The following ANO10 variants were observed in gnomAD, a reference collection of about 807,000 sequenced individuals.
The protein encoded by ANO10 is anoctamin 10.
A neutral mutation model predicts 74.7 loss-of-function variants in ANO10; 77 were observed. The observed-to-expected ratio is 1.03, with a 90% confidence interval of 0.86 to 1.25. The LOEUF is 1.25. Among genes scored for constraint, ANO10 ranks in the 50% most tolerant of loss-of-function variants. The pLI is 0.00. For missense variants in ANO10, 721 were observed against 778.1 expected, an observed-to-expected ratio of 0.93 and a Z score of 0.87; for synonymous variants, 279 against 284.9, an observed-to-expected ratio of 0.98 and a Z score of 0.21.
intron 11 of ANO10, among the ~76,000 whole-genome samples, chr3:43,465,596 T>C (rs541001974): frequency 2.6e-5 from 4 of 152,208 alleles, no homozygotes; most frequent in African/African-American, 9.6e-5. Context: ...GAGGTTACAG[T>C]GAGCTGAGAT....
intron 11 of ANO10, among the ~76,000 whole-genome samples, chr3:43,546,113 T>C (rs769221888): frequency 1.6e-4 from 25 of 152,260 alleles, no homozygotes; most frequent in Admixed American, 3.3e-4. Flanking sequence ...CTCTCAAATG[T>C]ATGAAAGTCA....
intron 11 of ANO10, among the ~76,000 whole-genome samples, chr3:43,462,751 G>A (rs2075435610): frequency 6.6e-6 from 1 of 152,216 alleles, no homozygotes; most frequent in South Asian, 2.1e-4. Context: ...CACAGGCCAG[G>A]AGGCCTAGGA....
chr3:43,447,291 G>A (rs545188329), intron 11 of ANO10, among the ~76,000 whole-genome samples: 2 of 152,276 alleles, frequency 1.3e-5, no homozygotes, highest in Non-Finnish European at 2.9e-5. Flanking sequence ...AAATTGTTCC[G>A]TACATGGTAT....
rs565063911 is a variant in ANO10 at position 43,469,105 on chromosome 3, C to T, written c.1798-36378G>A. Among the ~76,000 whole-genome samples the T allele has an allele frequency of 5.1e-5, 7 of 136,196 alleles. No individual in the cohort carries two copies. In the East Asian group the frequency reaches 9.5e-4, roughly 18 times the overall value. 89.3% of individuals were successfully genotyped at this position (136,196 alleles called of 152,430 possible). A position where few individuals can be genotyped will look rare whatever the true frequency, so the allele number is the denominator to read the frequency against. On this transcript the variant is annotated intron_variant, in intron 11 of 12. Transcript: ENST00000292246. ...TCACACAGGCTACAGTGCAATGGCA[C>T]GATCTTGGCTCACTGCAACCTCCAC...
intron 1 of ANO10, among the ~76,000 whole-genome samples, chr3:43,677,828 T>C (rs2149580257): frequency 6.6e-6 from 1 of 152,326 alleles, no homozygotes; most frequent in Non-Finnish European, 1.5e-5. Flanking sequence ...AATAGATGAA[T>C]TGGTGAACTC....
intron 1 of ANO10, among the ~76,000 whole-genome samples, chr3:43,639,289 C>G (rs1048198079): frequency 6.6e-6 from 1 of 152,330 alleles, no homozygotes; most frequent in Middle Eastern, 3.4e-3. Context: ...CATTTTAAGT[C>G]ATCGCAGTGC....
chr3:43,628,782 G>T (rs370282334), intron 1 of ANO10, among the ~76,000 whole-genome samples: 2 of 152,064 alleles, frequency 1.3e-5, no homozygotes, highest in Non-Finnish European at 2.9e-5. Context: ...CTCCCATAGC[G>T]CTCCCAGGCT....
At chr3:43,386,705 T>G (rs2092131129) in intron 12 of ANO10, among the ~76,000 whole-genome samples, 1 of 150,336 alleles carries the variant, frequency 6.7e-6, no homozygotes, top group Non-Finnish European at 1.5e-5. Context: ...ATCAGCTACC[T>G]CTGGGAAGGA....
intron 1 of ANO10, among the ~76,000 whole-genome samples, chr3:43,620,921 T>C (rs1052530327): frequency 6.6e-6 from 1 of 152,236 alleles, no homozygotes; most frequent in Non-Finnish European, 1.5e-5. Context: ...TCAGAACAGA[T>C]GATTTACTTT....
intron 11 of ANO10, 100 bp downstream of exon 11, chr3:43,549,620 T>C: frequency 1.5e-6 from 2 of 1,342,284 alleles, no homozygotes; most frequent in Non-Finnish European, 2.1e-6. Flanking sequence ...TAAATCCATA[T>C]TGCTCAATTG....
chr3:43,547,570 T>A (rs377704406), intron 11 of ANO10, among the ~76,000 whole-genome samples: 1 of 152,078 alleles, frequency 6.6e-6, no homozygotes, highest in Non-Finnish European at 1.5e-5. Flanking sequence ...TTTTATACAA[T>A]GTGAAGAGAC....
intron 12 of ANO10, among the ~76,000 whole-genome samples, chr3:43,382,526 A>T (rs1354055690): frequency 6.6e-6 from 1 of 152,092 alleles, no homozygotes; most frequent in East Asian, 1.9e-4. Flanking sequence ...CTCAAAAAAA[A>T]AAAAAAAGAA....
At chr3:43,569,283 C>T (rs1235108331) in intron 7 of ANO10, among the ~76,000 whole-genome samples, 1 of 127,548 alleles carries the variant, frequency 7.8e-6, no homozygotes, top group East Asian at 2.2e-4. Context: ...ACCATTCCTT[C>T]TGAAACTATT....
intron 11 of ANO10, among the ~76,000 whole-genome samples, chr3:43,451,797 T>C (rs1281008511): frequency 6.6e-6 from 1 of 152,230 alleles, no homozygotes; most frequent in Non-Finnish European, 1.5e-5. Flanking sequence ...GTGGTTCACT[T>C]AGCATTGAGT....
At chr3:43,513,511 G>C (rs559413313) in intron 11 of ANO10, among the ~76,000 whole-genome samples, 1 of 152,078 alleles carries the variant, frequency 6.6e-6, no homozygotes, top group East Asian at 1.9e-4. Context: ...ACACTTCTAT[G>C]AATTTTTTTT....
At chr3:43,446,041 C>G (rs981454654) in intron 11 of ANO10, among the ~76,000 whole-genome samples, 2 of 152,108 alleles carry the variant, frequency 1.3e-5, no homozygotes, top group Non-Finnish European at 2.9e-5. Context: ...AGACAAGAAG[C>G]CTGGCGGAGA....
At chr3:43,672,655 C>T (rs1314716062) in intron 1 of ANO10, among the ~76,000 whole-genome samples, 2 of 152,158 alleles carry the variant, frequency 1.3e-5, no homozygotes, top group Non-Finnish European at 2.9e-5. Flanking sequence ...CGTGTATCCC[C>T]ATCTGTGCAC....
At chr3:43,607,331 G>A (rs1173267662) in intron 1 of ANO10, among the ~76,000 whole-genome samples, 38 of 147,174 alleles carry the variant, frequency 2.6e-4, no homozygotes, top group Admixed American at 1.1e-3. Flanking sequence ...GCAAGACCCT[G>A]TCTAAAAAAA....
At chr3:43,563,402 A>G (rs1436290376) in intron 8 of ANO10, among the ~76,000 whole-genome samples, 1 of 150,220 alleles carries the variant, frequency 6.7e-6, no homozygotes, top group African/African-American at 2.4e-5. Flanking sequence ...CATTATATAA[A>G]AGAGTATGGC....
Sources: gnomAD v4.1 joint callset for allele counts (sites outside exome capture counted in the v4.1 genomes callset) on GRCh38, gnomAD v4.1.1 for gene constraint, MANE v1.5 for transcripts, NCBI Gene and HGNC (gene_info 2026-07-23, HGNC 2026-07-21) for gene names.